Variants in PDZD2 observed in about 807,000 individuals in gnomAD.
PDZD2 encodes PDZ domain containing 2, also known as PDZ domain-containing protein 2.
In PDZD2, 90 loss-of-function variants were observed where a neutral mutation model predicts 220.7. That is an observed-to-expected ratio of 0.41 (90% CI 0.34 to 0.49). PDZD2 has a LOEUF of 0.49. Ranked by LOEUF, PDZD2 falls within the 20% of genes least tolerant of loss-of-function variation. The pLI is 0.28. For synonymous variants in PDZD2, 1,375 were observed against 1,450.5 expected (o/e 0.95, Z 1.18); for missense variants, 3,174 against 3,608.5 (o/e 0.88, Z 3.08).
At chr5:31,890,688 C>T (rs1740950423) in intron 2 of PDZD2, among the ~76,000 whole-genome samples, 1 of 152,158 alleles carries the variant, frequency 6.6e-6, no homozygotes, top group African/African-American at 2.4e-5. Context: ...ATTTAATCTT[C>T]TCCTTTTAAA....
intron 1 of PDZD2, among the ~76,000 whole-genome samples, chr5:31,677,998 C>T (rs1410645184): frequency 6.6e-6 from 1 of 152,026 alleles, no homozygotes; most frequent in Non-Finnish European, 1.5e-5. Context: ...TTATATATAA[C>T]CATATGTAAA....
At position 32,108,094 on chromosome 5, in the gene PDZD2, C is replaced by T. The variant is rs1744969899; in HGVS notation, c.8479C>T (p.Pro2827Ser). ...WNIMKSVPEG[P>S]VQLLIRKHRN... ...TATTATGAAGTCTGTCCCAGAAGGA[C>T]CTGTGCAGTTATTAATTAGAAAGCA... is the stretch of plus-strand genomic sequence containing the variant. Residue 2827 changes from proline (P) to serine (S), a missense_variant, in exon 25 of 25, where the codon CCT (proline) becomes TCT (serine). Transcript: ENST00000438447. The T allele has an allele frequency of 6.2e-7, 1 of 1,610,570 alleles. No homozygotes were observed. Among genetic ancestry groups the T allele is most frequent in the Non-Finnish European group, 8.5e-7 (1 of 1,177,280 alleles).
chr5:32,029,329 TAAAAAAAA>T (rs34025632), intron 6 of PDZD2, among the ~76,000 whole-genome samples: 2 of 65,834 alleles, frequency 3.0e-5, no homozygotes, highest in African/African-American at 1.2e-4. Flanking sequence ...TCAAGAACTG[TAAAAAAAA>T]AAAAAAAAAA....
intron 1 of PDZD2, among the ~76,000 whole-genome samples, chr5:31,727,198 A>G (rs1179920526): frequency 6.6e-6 from 1 of 152,232 alleles, no homozygotes; most frequent in Non-Finnish European, 1.5e-5. Flanking sequence ...CAGCAGGAAC[A>G]AATATCCAAG....
chr5:31,750,821 T>G (rs1580683938), intron 1 of PDZD2, among the ~76,000 whole-genome samples: 1 of 151,404 alleles, frequency 6.6e-6, no homozygotes, highest in East Asian at 1.9e-4. Flanking sequence ...GTGGCTGGAG[T>G]GGAGTGAGTA....
intron 2 of PDZD2, among the ~76,000 whole-genome samples, chr5:31,920,114 T>C (rs1329393314): frequency 1.3e-5 from 2 of 151,312 alleles, no homozygotes; most frequent in Non-Finnish European, 2.9e-5. Context: ...CAAAACCACG[T>C]CTCTACCAGA....
chr5:31,963,061 A>C (rs1748401886), intron 2 of PDZD2, among the ~76,000 whole-genome samples: 1 of 151,842 alleles, frequency 6.6e-6, no homozygotes, highest in South Asian at 2.1e-4. Context: ...AGTTCCTAGT[A>C]CTCTAAAACA....
intron 6 of PDZD2, among the ~76,000 whole-genome samples, chr5:32,036,909 A>G (rs1440773290): frequency 6.6e-6 from 1 of 152,202 alleles, no homozygotes; most frequent in Admixed American, 6.5e-5. Context: ...CTGACCAACA[A>G]GTGTCCTCAG....
At chr5:31,680,216 A>T (rs908377801) in intron 1 of PDZD2, among the ~76,000 whole-genome samples, 3 of 152,158 alleles carry the variant, frequency 2.0e-5, no homozygotes, top group African/African-American at 7.2e-5. Context: ...CCCTCGGCTG[A>T]TTGTCACAAG....
At chr5:32,003,362 C>CA (rs1561318167) in intron 5 of PDZD2, among the ~76,000 whole-genome samples, 2 of 84,924 alleles carry the variant, frequency 2.4e-5, no homozygotes, top group African/African-American at 7.5e-5. Flanking sequence ...ACACACCACA[C>CA]CACACACACA....
At chr5:31,941,900 T>G (rs1746244562) in intron 2 of PDZD2, among the ~76,000 whole-genome samples, 1 of 152,238 alleles carries the variant, frequency 6.6e-6, no homozygotes. Context: ...GCCACTGGGA[T>G]TTCAAAATGG....
At chr5:31,998,877 C>A (rs914462351) in intron 4 of PDZD2, among the ~76,000 whole-genome samples, 2 of 152,242 alleles carry the variant, frequency 1.3e-5, no homozygotes, top group African/African-American at 4.8e-5. Flanking sequence ...ATCCGAGGCT[C>A]GAGGTCCCTC....
rs771954494 is a variant in PDZD2, at chr5:32,090,002, A to G, written c.6554A>G (p.Gln2185Arg). The G allele has an allele frequency of 1.2e-6, 2 of 1,604,588 alleles. No homozygotes were observed. The highest frequency in any genetic ancestry group is 3.4e-5 in the Admixed American group (2 of 59,064). Residue 2185 changes from glutamine to arginine, a missense_variant, in exon 20 of 25, where the codon CAG (glutamine) becomes CGG (arginine). Around this residue, in one of 4 missense-constraint regions of PDZD2, gnomAD observed 1,861 missense variants for 2,001.0 expected, o/e 0.93. Coordinates refer to ENST00000438447, the MANE Select transcript of PDZD2 (RefSeq NM_178140.4). The surrounding 1 kb of genome is among the most constrained non-coding windows in gnomAD (Gnocchi z 4.3). ...QTAIRKAEYS[Q>R]GKSSLMSDSR... The stretch of plus-strand genomic sequence containing the variant: ...GCCATTAGAAAGGCAGAATACTCCC[A>G]GGGAAAATCAAGCCTGATGTCAGAC...
At chr5:31,806,355 C>T (rs1243557898) in intron 2 of PDZD2, among the ~76,000 whole-genome samples, 1 of 152,210 alleles carries the variant, frequency 6.6e-6, no homozygotes, top group Non-Finnish European at 1.5e-5. Flanking sequence ...TTTGACAGAA[C>T]TTCTGTACCC....
intron 1 of PDZD2, among the ~76,000 whole-genome samples, chr5:31,748,553 C>T (rs573133770): frequency 1.3e-4 from 20 of 152,358 alleles, no homozygotes; most frequent in African/African-American, 3.6e-4. Flanking sequence ...GTCTTTCTGA[C>T]GCCCCCAGCA....
chr5:32,087,443 G>A lies in PDZD2; in HGVS notation c.3995G>A (p.Gly1332Glu), dbSNP rs770925892. ...ALRGAGPGAE[G>E]MTPAGAVLPG... ...AGGGGAGCGGGACCTGGAGCAGAGG[G>A]AATGACACCAGCTGGTGCTGTCCTG... The change falls in exon 20 of 25, where the codon GGA becomes GAA. Residue 1332 changes from glycine to glutamate, a missense_variant. Gly to Glu is a moderately conservative substitution (Grantham distance 98). Transcript: ENST00000438447. The surrounding 1 kb of genome is among the most constrained non-coding windows in gnomAD (Gnocchi z 4.0). 2 of 1,613,994 alleles carry A rather than the reference G, an allele frequency of 1.2e-6. No individual in the cohort carries two copies. The highest frequency in any genetic ancestry group is 2.7e-5 in the African/African-American group (2 of 74,938).
intron 1 of PDZD2, among the ~76,000 whole-genome samples, chr5:31,768,511 A>G (rs1473255909): frequency 4.6e-5 from 7 of 152,066 alleles, no homozygotes; most frequent in Admixed American, 2.0e-4. Flanking sequence ...GCATGGTGGC[A>G]CGTACCTGTA....
rs1422412116 is a variant in PDZD2 at position 32,072,144 on chromosome 5, GT to G, written c.2569-13del. The G allele has an allele frequency of 1.3e-6, 2 of 1,586,322 alleles. No individual in the cohort carries two copies. Among genetic ancestry groups the G allele is most frequent in the African/African-American group, 2.7e-5 (2 of 74,156 alleles). ...TGCTGTGTTTTCTTAGTTATCGGAT[GT>G]TTTCTTCTTCAACAGGACTCCCTTA... On this transcript the variant is annotated splice_polypyrimidine_tract_variant and intron_variant, in intron 16 of 24. Coordinates refer to ENST00000438447, the MANE Select transcript of PDZD2 (RefSeq NM_178140.4).
chr5:31,977,748 G>A (rs796646260), intron 2 of PDZD2, among the ~76,000 whole-genome samples: 8 of 152,296 alleles, frequency 5.3e-5, no homozygotes, highest in African/African-American at 1.7e-4. Flanking sequence ...TGAGGCGGGC[G>A]GATCACTTGA....
Sources: allele counts gnomAD v4.1 joint callset (sites outside exome capture counted in the v4.1 genomes callset), GRCh38; gene constraint gnomAD v4.1.1; regional missense constraint gnomAD v4.1.1; non-coding constraint Gnocchi (gnomAD v3.1); transcripts MANE v1.5; gene names NCBI Gene and HGNC (gene_info 2026-07-23, HGNC 2026-07-21).